The following FOXP2 variants were observed in gnomAD, a reference collection of about 807,000 sequenced individuals.
FOXP2 encodes forkhead box P2.
FOXP2 carries 12 observed loss-of-function variants against 115.8 expected under a neutral mutation model. The ratio of observed to expected loss-of-function variants is 0.10; its 90% CI spans 0.07 to 0.17. The LOEUF is 0.17. Ranked by LOEUF, FOXP2 falls within the 10% of genes least tolerant of loss-of-function variation. The pLI is 1.00. For missense variants in FOXP2, 629 were observed against 843.5 expected, an observed-to-expected ratio of 0.75 and a Z score of 3.15; for synonymous variants, 328 against 297.7, an observed-to-expected ratio of 1.10 and a Z score of -1.05.
intron 1 of FOXP2, among the ~76,000 whole-genome samples, chr7:114,176,000 C>T (rs1793279028): frequency 6.6e-6 from 1 of 151,992 alleles, no homozygotes. Flanking sequence ...CTTTTTCTCC[C>T]CCTAGATTTA....
At chr7:114,543,237 T>G (rs549592797) in intron 3 of FOXP2, among the ~76,000 whole-genome samples, 1 of 152,310 alleles carries the variant, frequency 6.6e-6, no homozygotes, top group Admixed American at 6.5e-5. Flanking sequence ...TATAGTATAG[T>G]GGATTTTTCA....
Position 114,617,486 on chromosome 7 carries a change from CCCTACTCTCTAAT to C in FOXP2, c.259-11051_259-11039del, listed in dbSNP as rs539549417. 9.5e-4 allele frequency among the ~76,000 whole-genome samples: 144 copies of C among 152,246 alleles called. 1 individual carries two copies. Among genetic ancestry groups the C allele is most frequent in the African/African-American group, 3.1e-3 (130 of 41,572 alleles). ...TAAATTTCTTAGGATCTCCATGTTT[CCCTACTCTCTAAT>C]CCAGAAATGCTTGGCTGGGCGAGGC... On this transcript the variant is annotated intron_variant, in intron 3 of 16. Coordinates refer to ENST00000350908, the MANE Select transcript of FOXP2 (RefSeq NM_014491.4).
intron 2 of FOXP2, among the ~76,000 whole-genome samples, chr7:114,309,417 G>C (rs1467121759): frequency 6.6e-6 from 1 of 152,208 alleles, no homozygotes; most frequent in East Asian, 1.9e-4. Context: ...TGCAGTGGTA[G>C]CTTCTGCATC....
At chr7:114,494,470 C>T (rs1249736782) in intron 2 of FOXP2, among the ~76,000 whole-genome samples, 1 of 152,076 alleles carries the variant, frequency 6.6e-6, no homozygotes, top group African/African-American at 2.4e-5. Context: ...CAAATGCATG[C>T]CACCATGACC....
At chr7:114,325,398 C>T (rs1797530816) in intron 2 of FOXP2, among the ~76,000 whole-genome samples, 1 of 151,578 alleles carries the variant, frequency 6.6e-6, no homozygotes. Context: ...AAAAAATGTA[C>T]AAAATATAAG....
At chr7:114,200,237 A>C (rs964449135) in intron 1 of FOXP2, among the ~76,000 whole-genome samples, 15 of 152,350 alleles carry the variant, frequency 9.8e-5, no homozygotes, top group Admixed American at 2.6e-4. Flanking sequence ...CAATCAAATA[A>C]GGCCTTACAG....
At chr7:114,399,925 T>C (rs547548116) in intron 2 of FOXP2, among the ~76,000 whole-genome samples, 2 of 127,550 alleles carry the variant, frequency 1.6e-5, no homozygotes, top group Admixed American at 7.3e-5. Flanking sequence ...GGCGCGATCT[T>C]GGCTCACTGC....
intron 1 of FOXP2, among the ~76,000 whole-genome samples, chr7:114,244,326 G>C (rs1795224331): frequency 6.6e-6 from 1 of 152,048 alleles, no homozygotes; most frequent in South Asian, 2.1e-4. Context: ...GTTACCTTTT[G>C]CCTAATGTCC....
chr7:114,360,150 A>G (rs191428176), intron 2 of FOXP2, among the ~76,000 whole-genome samples: 61 of 152,154 alleles, frequency 4.0e-4, no homozygotes, highest in African/African-American at 1.4e-3. Flanking sequence ...ACAATATCTG[A>G]TAGTTTTATA....
chr7:114,597,048 T>A (rs1007472309), intron 3 of FOXP2, among the ~76,000 whole-genome samples: 2 of 152,062 alleles, frequency 1.3e-5, no homozygotes, highest in African/African-American at 4.8e-5. Flanking sequence ...CTTTTGGTAG[T>A]GTGTAAGAAA....
upstream of FOXP2, among the ~76,000 whole-genome samples, chr7:114,159,324 C>T (rs1258476615): frequency 1.3e-5 from 2 of 152,040 alleles, no homozygotes; most frequent in African/African-American, 2.4e-5. Context: ...TTGGATTTTT[C>T]AGCTAGGTTA....
chr7:114,454,247 A>G (rs1233714561), intron 2 of FOXP2, among the ~76,000 whole-genome samples: 2 of 152,196 alleles, frequency 1.3e-5, no homozygotes, highest in Non-Finnish European at 2.9e-5. Flanking sequence ...ACATCTATGC[A>G]GCCAAAAAAC....
At chr7:114,666,131 TG>T (rs1807149640) in intron 16 of FOXP2, 1 of 152,108 alleles carries the variant, frequency 6.6e-6, no homozygotes, top group African/African-American at 2.4e-5. Flanking sequence ...AAAGTTAAAA[TG>T]TTCATAGTTA....
At chr7:114,333,642 G>A (rs140570889) in intron 2 of FOXP2, among the ~76,000 whole-genome samples, 4 of 152,166 alleles carry the variant, frequency 2.6e-5, no homozygotes, top group African/African-American at 4.8e-5. Context: ...AGTGCAGCAC[G>A]TTGGAAGGCT....
At chr7:114,604,716 A>G (rs746544409) in intron 3 of FOXP2, among the ~76,000 whole-genome samples, 1 of 152,090 alleles carries the variant, frequency 6.6e-6, no homozygotes, top group Non-Finnish European at 1.5e-5. Flanking sequence ...TTTGCTCTCA[A>G]ATGAGTCCGG....
chr7:114,665,188 A>G (rs545488907), intron 16 of FOXP2: 5 of 152,278 alleles, frequency 3.3e-5, no homozygotes, highest in East Asian at 1.9e-4. Context: ...GCTTTTTTCA[A>G]TAGTGTCAAG....
intron 3 of FOXP2, among the ~76,000 whole-genome samples, chr7:114,568,178 C>T (rs567035693): frequency 2.0e-5 from 3 of 151,964 alleles, no homozygotes; most frequent in South Asian, 4.2e-4. Flanking sequence ...CCCTCAGTGT[C>T]GGTGGCAGTT....
intron 2 of FOXP2, among the ~76,000 whole-genome samples, chr7:114,387,106 T>A (rs1792472796): frequency 6.6e-6 from 1 of 152,206 alleles, no homozygotes; most frequent in Admixed American, 6.5e-5. Flanking sequence ...AAAATATAAA[T>A]ACATATATGT....
At position 114,691,711 on chromosome 7, in the gene FOXP2, T is replaced by TG. The variant is rs1273860857; in HGVS notation, c.*1785_*1786insG. On this transcript the variant is annotated 3_prime_UTR_variant, in exon 17 of 17. Coordinates refer to ENST00000350908, the MANE Select transcript of FOXP2 (RefSeq NM_014491.4). ...ATTATGGTTATTGCTTTACAAACAG[T>TG]TTTGACAGAAGGTGGCTGCTAGAGC... 11 of 453,934 alleles carry TG rather than the reference T, an allele frequency of 2.4e-5. 1 individual carries two copies. The highest frequency in any genetic ancestry group is 2.4e-4 in the Admixed American group (10 of 42,490). The allele number at this position is 453,934 out of a possible 1,614,324, so 28.1% of individuals were successfully genotyped here.
Sources: allele counts gnomAD v4.1 joint callset (sites outside exome capture counted in the v4.1 genomes callset), GRCh38; gene constraint gnomAD v4.1.1; transcripts MANE v1.5; gene names NCBI Gene and HGNC (gene_info 2026-07-23, HGNC 2026-07-21).